The following KIZ variants were observed in gnomAD, a reference collection of about 807,000 sequenced individuals.
KIZ encodes centrosomal protein kizuna.
In KIZ, 68 loss-of-function variants were observed where a neutral mutation model predicts 79.6. That is an observed-to-expected ratio of 0.85 (90% CI 0.70 to 1.05). The LOEUF is 1.05. KIZ is among the 50% of genes least tolerant of loss of function. KIZ has a pLI of 0.00. For synonymous variants in KIZ, 280 were observed against 281.8 expected (o/e 0.99, Z 0.06); for missense variants, 797 against 800.4 (o/e 1.00, Z 0.05).
In KIZ at chr20:21,163,171, A is replaced by AT; in HGVS notation, c.1352+12_1352+13insT. 6.3e-7 allele frequency: 1 copy of AT among 1,576,412 alleles called. No individual in the cohort carries two copies. Among genetic ancestry groups the AT allele is most frequent in the Non-Finnish European group, 8.6e-7 (1 of 1,161,210 alleles). ...GCACCAACAAGAGAGTAAGCCATTC[A>AT]ATTTTTTTTTTCTACTGTTCTGTTT... is the stretch of plus-strand genomic sequence containing the variant. On this transcript the variant is annotated intron_variant, in intron 6 of 12. Coordinates refer to ENST00000619189, the MANE Select transcript of KIZ (RefSeq NM_018474.6).
At chr20:21,238,498 G>A (rs2037108476) in intron 11 of KIZ, among the ~76,000 whole-genome samples, 2 of 152,080 alleles carry the variant, frequency 1.3e-5, no homozygotes, top group South Asian at 2.1e-4. Context: ...CAGGAAGCAG[G>A]ACCTGGGTGA....
At chr20:21,206,809 G>A (rs1192118712) in intron 7 of KIZ, among the ~76,000 whole-genome samples, 2 of 152,138 alleles carry the variant, frequency 1.3e-5, no homozygotes, top group East Asian at 1.9e-4. Flanking sequence ...GGCAAGAGGA[G>A]GGAGGGGCCT....
At position 21,220,481 on chromosome 20, in the gene KIZ, A is replaced by ATTAT. The variant is rs949301667; in HGVS notation, c.1678+4848_1678+4851dup. Among the ~76,000 whole-genome samples the ATTAT allele has an allele frequency of 5.9e-5, 9 of 151,466 alleles. No homozygotes were observed. The South Asian group carries it at 1.5e-3, about 25-fold the overall frequency. ...CCTCTTTTATTTATTTTGTTTTTTT[A>ATTAT]TTATTTATTTATTTATTTTTGAGAC... On this transcript the variant is annotated intron_variant, in intron 9 of 12. Coordinates refer to ENST00000619189, the MANE Select transcript of KIZ (RefSeq NM_018474.6).
chr20:21,162,310 T>A lies in KIZ; in HGVS notation c.845T>A (p.Leu282Ter). The change falls in exon 5 of 13, where the codon TTA (leucine) becomes TAA (stop). Residue 282 changes from leucine to a stop codon, truncating the protein, a stop_gained. Transcript: ENST00000619189. LOFTEE classifies it high-confidence loss of function. The part of the protein sequence containing the change: ...AELNSPLRER[L>*]SPENRTTDLK... ...CTCAATTCCCCGTTACGGGAAAGATTAAGTCCAGAGAACAGAACCACTGAT... is the reference window on the plus strand; with the variant it reads ...CTCAATTCCCCGTTACGGGAAAGATAAAGTCCAGAGAACAGAACCACTGAT... The A allele has an allele frequency of 1.2e-6, 2 of 1,613,880 alleles. No individual in the cohort carries two copies. The highest frequency in any genetic ancestry group is 2.2e-5 in the East Asian group (1 of 44,884).
chr20:21,184,077 T>C (rs1277170682), intron 6 of KIZ, among the ~76,000 whole-genome samples: 1 of 152,030 alleles, frequency 6.6e-6, no homozygotes, highest in African/African-American at 2.4e-5. Flanking sequence ...TTCGTCAGAA[T>C]AAAACTGGGT....
chr20:21,244,520 A>T, intron 12 of KIZ: 1 of 533,046 alleles, frequency 1.9e-6, no homozygotes, highest in Non-Finnish European at 3.3e-6. Context: ...GTAATTTGCA[A>T]GTATGAATTT....
At chr20:21,235,201 T>C (rs2036964795) in intron 11 of KIZ, among the ~76,000 whole-genome samples, 1 of 152,240 alleles carries the variant, frequency 6.6e-6, no homozygotes, top group Admixed American at 6.5e-5. Flanking sequence ...AGAGATACTC[T>C]TAGCACATTT....
At chr20:21,219,466 C>A (rs576421607) in intron 9 of KIZ, among the ~76,000 whole-genome samples, 12 of 152,178 alleles carry the variant, frequency 7.9e-5, no homozygotes, top group African/African-American at 2.9e-4. Context: ...TACAGGCATG[C>A]ACCACCATGC....
intron 3 of KIZ, among the ~76,000 whole-genome samples, chr20:21,140,027 C>T (rs1323374018): frequency 6.6e-6 from 1 of 152,178 alleles, no homozygotes; most frequent in African/African-American, 2.4e-5. Context: ...ACCCAGACAG[C>T]AATGTCAGCG....
chr20:21,202,741 A>G (rs1488091272), intron 6 of KIZ, among the ~76,000 whole-genome samples: 7 of 152,220 alleles, frequency 4.6e-5, no homozygotes, highest in African/African-American at 1.2e-4. Flanking sequence ...TACTCCTGAC[A>G]TTTTATTGCC....
At chr20:21,244,061 G>C (rs1267091211) in intron 11 of KIZ, among the ~76,000 whole-genome samples, 184 bp from the exon 12 acceptor site, 1 of 152,116 alleles carries the variant, frequency 6.6e-6, no homozygotes, top group Non-Finnish European at 1.5e-5. Flanking sequence ...GTTGAGTAGC[G>C]ACCCTCCCGA....
intron 8 of KIZ, among the ~76,000 whole-genome samples, chr20:21,215,276 G>A (rs1234283501): frequency 1.3e-5 from 2 of 152,194 alleles, no homozygotes; most frequent in African/African-American, 4.8e-5. Context: ...AATTGCTCGA[G>A]TTGATGTACA....
intron 1 of KIZ, among the ~76,000 whole-genome samples, chr20:21,128,868 TGAA>T (rs1237176322): frequency 6.6e-6 from 1 of 152,182 alleles, no homozygotes; most frequent in Non-Finnish European, 1.5e-5. Context: ...TAGAGTAAGC[TGAA>T]GATGGTATAG....
At position 21,162,257 on chromosome 20, in the gene KIZ, T is replaced by C. The variant is rs1394027393; in HGVS notation, c.792T>C (p.Asn264=). ...GTAACACACGTCATGGCAAGAGTAA[T>C]TTATCTGAAGGCAAAAAGTCTGCTG... ...IGSNTRHGKS[N]LSEGKKSAEL... The change falls in exon 5 of 13, where the codon AAT becomes AAC. Residue 264 remains asparagine, a synonymous_variant. Coordinates refer to ENST00000619189, the MANE Select transcript of KIZ (RefSeq NM_018474.6). The C allele has an allele frequency of 6.2e-7, 1 of 1,613,978 alleles. No homozygotes were observed. The highest frequency in any genetic ancestry group is 1.7e-5 in the Admixed American group (1 of 60,028).
intron 6 of KIZ, among the ~76,000 whole-genome samples, chr20:21,201,740 T>G (rs1282759835): frequency 1.3e-5 from 2 of 152,260 alleles, no homozygotes; most frequent in Admixed American, 6.5e-5. Context: ...TTATGTGTCA[T>G]CAATGTTATA....
chr20:21,219,566 C>G (rs2036433151), intron 9 of KIZ, among the ~76,000 whole-genome samples: 1 of 152,202 alleles, frequency 6.6e-6, no homozygotes, highest in East Asian at 1.9e-4. Flanking sequence ...AGTCTGCCCA[C>G]TTTGGCCTCC....
At chr20:21,132,754 TTAAAA>T (rs769374091) in intron 2 of KIZ, among the ~76,000 whole-genome samples, 3 of 152,254 alleles carry the variant, frequency 2.0e-5, no homozygotes, top group Non-Finnish European at 4.4e-5. Context: ...CTTAAAAATC[TTAAAA>T]TAAGACATAG....
intron 9 of KIZ, among the ~76,000 whole-genome samples, chr20:21,224,016 G>A (rs1477475256): frequency 2.7e-5 from 4 of 147,982 alleles, no homozygotes; most frequent in African/African-American, 1.0e-4. Context: ...TTTTTGAGAT[G>A]GAGTTTTATT....
chr20:21,159,343 A>G (rs2033547396), intron 4 of KIZ, among the ~76,000 whole-genome samples: 1 of 151,936 alleles, frequency 6.6e-6, no homozygotes, highest in Non-Finnish European at 1.5e-5. Context: ...AGGATTTTTT[A>G]TTCATTTGTT....
Sources: allele counts gnomAD v4.1 joint callset (sites outside exome capture counted in the v4.1 genomes callset), GRCh38; gene constraint gnomAD v4.1.1; transcripts MANE v1.5; gene names NCBI Gene and HGNC (gene_info 2026-07-23, HGNC 2026-07-21).